ALG9: variants seen among roughly 807,000 people sequenced by gnomAD.
The protein encoded by ALG9 is alpha-1,2-mannosyltransferase ALG9.
A neutral mutation model predicts 81.8 loss-of-function variants in ALG9; 55 were observed. The observed-to-expected ratio is 0.67, with a 90% CI of 0.54 to 0.84. The LOEUF is 0.84. Ranked by LOEUF, ALG9 falls within the 40% of genes least tolerant of loss-of-function variation. The pLI is 0.00. For synonymous variants in ALG9, 278 were observed against 274.3 expected (o/e 1.01, Z -0.13); for missense variants, 629 against 745.0 (o/e 0.84, Z 1.81).
At chr11:111,817,114 C>T (rs568095875) in intron 13 of ALG9, 62 of 152,068 alleles carry the variant, frequency 4.1e-4, no homozygotes, top group African/African-American at 1.3e-3. Flanking sequence ...AGAAACAAAA[C>T]GAGAGTGAGA....
chr11:111,848,863 A>G (rs1592268173), intron 8 of ALG9, among the ~76,000 whole-genome samples: 1 of 152,144 alleles, frequency 6.6e-6, no homozygotes. Context: ...GGCTCAGCTC[A>G]AGAGCCGCAC....
intron 13 of ALG9, among the ~76,000 whole-genome samples, chr11:111,818,363 T>C (rs573404042): frequency 6.6e-6 from 1 of 152,350 alleles, no homozygotes; most frequent in East Asian, 1.9e-4. Flanking sequence ...ACCTAGGCTG[T>C]ATGGTGTAGC....
At chr11:111,804,099 C>T (rs1198733814) in intron 14 of ALG9, among the ~76,000 whole-genome samples, 3 of 139,356 alleles carry the variant, frequency 2.2e-5, no homozygotes, top group South Asian at 2.3e-4. Flanking sequence ...TGCCACTGCA[C>T]TCCAGCGTGT....
intron 14 of ALG9, among the ~76,000 whole-genome samples, chr11:111,799,583 A>G (rs1948804252): frequency 6.6e-6 from 1 of 152,156 alleles, no homozygotes; most frequent in Non-Finnish European, 1.5e-5. Context: ...AAATCAAATA[A>G]GTAAACCATG....
At chr11:111,862,239 CTT>C (rs782528613) in intron 4 of ALG9, among the ~76,000 whole-genome samples, 23 of 131,320 alleles carry the variant, frequency 1.8e-4, no homozygotes, top group Admixed American at 5.3e-4. Context: ...TCTTTTTTTT[CTT>C]TTTTTTTTTT....
chr11:111,814,293 TA>T, intron 13 of ALG9, among the ~76,000 whole-genome samples: 1 of 152,258 alleles, frequency 6.6e-6, no homozygotes, highest in Middle Eastern at 3.4e-3. Context: ...AAAATGAACC[TA>T]AGTCATTTAG....
At chr11:111,818,595 T>TCACTGACCTCTTAAAC (rs2136538849) in intron 13 of ALG9, among the ~76,000 whole-genome samples, 1 of 152,366 alleles carries the variant, frequency 6.6e-6, no homozygotes, top group South Asian at 2.1e-4. Flanking sequence ...AAGAAAGACT[T>TCACTGACCTCTTAAAC]CACTGACCTC....
chr11:111,841,868 T>A (rs1172538270), intron 9 of ALG9, among the ~76,000 whole-genome samples: 1 of 152,212 alleles, frequency 6.6e-6, no homozygotes, highest in African/African-American at 2.4e-5. Flanking sequence ...TATATACCTT[T>A]CTAGGTAGTA....
chr11:111,801,484 C>T (rs1277318268), intron 14 of ALG9, among the ~76,000 whole-genome samples: 6 of 152,186 alleles, frequency 3.9e-5, no homozygotes, highest in Admixed American at 3.3e-4. Context: ...AAAGGCTTAA[C>T]GTTTCTATAA....
chr11:111,787,480 G>A (rs983511929), intron 14 of ALG9, among the ~76,000 whole-genome samples: 6 of 151,504 alleles, frequency 4.0e-5, no homozygotes, highest in Non-Finnish European at 5.9e-5. Context: ...TTTTTGAGAC[G>A]GAGTCTTGCT....
chr11:111,821,089 T>C (rs1015824722), intron 13 of ALG9, among the ~76,000 whole-genome samples: 2 of 152,126 alleles, frequency 1.3e-5, no homozygotes, highest in African/African-American at 2.4e-5. Flanking sequence ...GTGCGAGACC[T>C]TGTCTCTAAA....
intron 13 of ALG9, chr11:111,828,929 A>G (rs1471705857): frequency 6.6e-6 from 1 of 152,166 alleles, no homozygotes; most frequent in African/African-American, 2.4e-5. Context: ...TCTTTACAAG[A>G]TCTGGATCAT....
intron 14 of ALG9, among the ~76,000 whole-genome samples, chr11:111,789,128 C>T (rs782060818): frequency 6.6e-6 from 1 of 151,828 alleles, no homozygotes; most frequent in Admixed American, 6.6e-5. Context: ...CAGGCGCAAG[C>T]GACCTCGCCT....
chr11:111,806,416 T>C (rs1260623785), intron 14 of ALG9, among the ~76,000 whole-genome samples: 3 of 152,224 alleles, frequency 2.0e-5, no homozygotes, highest in Admixed American at 2.0e-4. Context: ...TTGTTATTCT[T>C]CATTTTACTT....
At chr11:111,770,236 T>C in the ALG9 span, among the ~76,000 whole-genome samples, 1 of 152,302 alleles carries the variant, frequency 6.6e-6, no homozygotes, top group Non-Finnish European at 1.5e-5. Context: ...CCTACTGAAT[T>C]AGAGTCCTTA....
At chr11:111,819,575 C>A (rs567198927) in intron 13 of ALG9, among the ~76,000 whole-genome samples, 2 of 152,222 alleles carry the variant, frequency 1.3e-5, no homozygotes, top group East Asian at 3.8e-4. Flanking sequence ...GACAGTTTGC[C>A]CACAGCTAAG....
At chr11:111,851,780 CAA>C (rs1957870254) in intron 8 of ALG9, among the ~76,000 whole-genome samples, 1 of 152,088 alleles carries the variant, frequency 6.6e-6, no homozygotes, top group South Asian at 2.1e-4. Flanking sequence ...TAAACTAAAA[CAA>C]GAGGCAATCA....
At chr11:111,844,792 T>A (rs1229196233) in intron 8 of ALG9, 69 bp from the exon 9 acceptor site, 1 of 1,539,112 alleles carries the variant, frequency 6.5e-7, no homozygotes, top group Admixed American at 1.7e-5. Context: ...GCTTGACATA[T>A]AATGTTCTTT....
chr11:111,822,211 A>AACCTG (rs1555104507), intron 13 of ALG9, among the ~76,000 whole-genome samples: 1 of 103,624 alleles, frequency 9.7e-6, no homozygotes, highest in Non-Finnish European at 1.9e-5. Context: ...GTTTGAGTCC[A>AACCTG]GCAATGGGCA....
Sources: gnomAD v4.1 joint callset for allele counts (sites outside exome capture counted in the v4.1 genomes callset) on GRCh38, gnomAD v4.1.1 for gene constraint, MANE v1.5 for transcripts, NCBI Gene and HGNC (gene_info 2026-07-23, HGNC 2026-07-21) for gene names.